CDR2: variants seen among roughly 807,000 people sequenced by gnomAD.
The protein encoded by CDR2 is cerebellar degeneration related protein 2, also known as cerebellar degeneration-related protein 2.
CDR2 carries 34 observed loss-of-function variants against 48.4 expected under a neutral mutation model. The ratio of observed to expected loss-of-function variants is 0.70; its 90% CI spans 0.53 to 0.94. The LOEUF (loss-of-function observed/expected upper bound fraction) is 0.94, where lower values mean the gene tolerates loss of function less well. Among genes scored for constraint, CDR2 ranks in the 40% least tolerant of loss-of-function variants. CDR2 has a pLI of 0.00. For missense variants in CDR2, 498 were observed against 549.5 expected (o/e 0.91, Z 0.94); for synonymous variants, 240 against 219.7 (o/e 1.09, Z -0.82).
Position 22,364,989 on chromosome 16 carries a change from C to T in CDR2, c.105G>A (p.Gly35=). The T allele has an allele frequency of 1.2e-6, 2 of 1,612,732 alleles. No homozygotes were observed. Among genetic ancestry groups the T allele is most frequent in the Non-Finnish European group, 1.7e-6 (2 of 1,178,766 alleles). The change falls in exon 2 of 5, where the codon GGG becomes GGA. Residue 35 remains glycine, a synonymous_variant. Coordinates refer to ENST00000268383, the MANE Select transcript of CDR2 (RefSeq NM_001802.2). The part of the protein sequence containing the change: ...QQDLQLAAEL[G]KTLLDRNTEL... ...CTGTGTTCCGATCCAGTAATGTCTT[C>T]CCAAGCTCAGCAGCAAGTTGAAGAT...
At chr16:22,368,654 A>C (rs552850411) in intron 1 of CDR2, among the ~76,000 whole-genome samples, 10 of 152,214 alleles carry the variant, frequency 6.6e-5, no homozygotes, top group Non-Finnish European at 1.2e-4. Context: ...AGAAACTCTT[A>C]GGTCAACAGG....
Position 22,347,037 on chromosome 16 carries a change from ACTAAAGAT to A in CDR2, c.1285_1292del (p.Ile429LeufsTer6). 2 of 1,614,172 alleles carry A rather than the reference ACTAAAGAT, an allele frequency of 1.2e-6. No individual in the cohort carries two copies. The highest frequency in any genetic ancestry group is 8.5e-7 in the Non-Finnish European group (1 of 1,179,982). ...TTTCCTGCTTAGTTTTCTTGATGCA[ACTAAAGAT>A]CTCCTTAAACAACGCTTTGTATTCT... On this transcript the variant is annotated frameshift_variant, in exon 5 of 5. Transcript: ENST00000268383. LOFTEE classifies it high-confidence loss of function.
chr16:22,353,645 C>T (rs2048956816), intron 2 of CDR2, among the ~76,000 whole-genome samples: 1 of 152,152 alleles, frequency 6.6e-6, no homozygotes, highest in African/African-American at 2.4e-5. Context: ...GCTAACGGGC[C>T]TTTATCACCA....
rs1327419763 is a variant in CDR2, at chr16:22,346,621, T to C, written c.*344A>G. 2 of 244,156 alleles carry C rather than the reference T, an allele frequency of 8.2e-6. No individual in the cohort carries two copies. Among genetic ancestry groups the C allele is most frequent in the Non-Finnish European group, 1.6e-5 (2 of 125,738 alleles). 15.1% of individuals were successfully genotyped at this position (244,156 alleles called of 1,614,324 possible). A position where few individuals can be genotyped will look rare whatever the true frequency, so the allele number is the denominator to read the frequency against. On this transcript the variant is annotated 3_prime_UTR_variant, in exon 5 of 5. Transcript: ENST00000268383. Reference sequence around the variant, plus strand: ...AGCAATAGGAATTGCCTTAGCTTTGTTCTAACTCGACCCTTTTCCCCCATA... The same window carrying C: ...AGCAATAGGAATTGCCTTAGCTTTGCTCTAACTCGACCCTTTTCCCCCATA...
chr16:22,371,537 G>T (rs1175127941), intron 1 of CDR2, among the ~76,000 whole-genome samples: 2 of 152,194 alleles, frequency 1.3e-5, no homozygotes. Context: ...TGGCCCCAGG[G>T]CCCAGGCGAA....
intron 2 of CDR2, among the ~76,000 whole-genome samples, chr16:22,362,954 C>CTTT (rs1278079544): frequency 7.3e-6 from 1 of 137,800 alleles, no homozygotes; most frequent in Admixed American, 7.3e-5. Flanking sequence ...TACAGTAGGT[C>CTTT]TTTTTTTTTT....
intron 1 of CDR2, among the ~76,000 whole-genome samples, chr16:22,365,695 T>C (rs1709305484): frequency 6.6e-6 from 1 of 152,238 alleles, no homozygotes; most frequent in Non-Finnish European, 1.5e-5. Flanking sequence ...CTCTCTATTC[T>C]TAGGTATAAT....
chr16:22,362,618 T>C (rs1447932165), intron 2 of CDR2, among the ~76,000 whole-genome samples: 2 of 152,238 alleles, frequency 1.3e-5, no homozygotes, highest in South Asian at 4.1e-4. Flanking sequence ...CAATTAAGAC[T>C]ATGTCTCTAC....
At chr16:22,360,386 G>A (rs577578159) in intron 2 of CDR2, among the ~76,000 whole-genome samples, 6 of 152,112 alleles carry the variant, frequency 3.9e-5, no homozygotes, top group African/African-American at 1.4e-4. Flanking sequence ...TCACATAAAA[G>A]GAAATTTTTG....
chr16:22,357,216 T>G (rs1477111048), intron 2 of CDR2, among the ~76,000 whole-genome samples: 1 of 152,044 alleles, frequency 6.6e-6, no homozygotes, highest in East Asian at 1.9e-4. Flanking sequence ...ACCAGGCTAA[T>G]TTTTGTATTT....
At position 22,346,870 on chromosome 16, in the gene CDR2, A is replaced by G; in HGVS notation, c.*95T>C. ...GCAAAGCAATGAGGCAAACGTCATG[A>G]GTAACATTAGGCTTCAGAGTCTACA... On this transcript the variant is annotated 3_prime_UTR_variant, in exon 5 of 5. Coordinates refer to ENST00000268383, the MANE Select transcript of CDR2 (RefSeq NM_001802.2). The G allele has an allele frequency of 7.5e-7, 1 of 1,332,854 alleles. No individual in the cohort carries two copies. Among genetic ancestry groups the G allele is most frequent in the Non-Finnish European group, 1.0e-6 (1 of 961,916 alleles). The allele number at this position is 1,332,854 out of a possible 1,614,324, so 82.6% of individuals were successfully genotyped here.
In CDR2 at chr16:22,367,403, A is replaced by G. The variant is rs556120378; in HGVS notation, c.80-2389T>C. Among the ~76,000 whole-genome samples the G allele has an allele frequency of 6.4e-4, 98 of 152,290 alleles. No individual in the cohort carries two copies. In the Middle Eastern group the frequency reaches 0.014, roughly 21 times the overall value. On this transcript the variant is annotated intron_variant, in intron 1 of 4. Transcript: ENST00000268383. Reference sequence around the variant, plus strand: ...TTAGCTGAAGCTTGAAGGATGAAGAACTTGCCATGAATTTGGCATATTCTA... The same window carrying G: ...TTAGCTGAAGCTTGAAGGATGAAGAGCTTGCCATGAATTTGGCATATTCTA...
chr16:22,369,410 A>T (rs1198686163), intron 1 of CDR2, among the ~76,000 whole-genome samples: 1 of 152,202 alleles, frequency 6.6e-6, no homozygotes, highest in East Asian at 1.9e-4. Flanking sequence ...ACTTAAGAGT[A>T]GCCAGGAACC....
intron 2 of CDR2, 139 bp downstream of exon 2, chr16:22,364,763 G>A (rs769552525): frequency 1.3e-5 from 7 of 551,938 alleles, no homozygotes; most frequent in African/African-American, 3.9e-5. Context: ...CTCGGGAGGC[G>A]GTTCTCATTC....
intron 2 of CDR2, among the ~76,000 whole-genome samples, chr16:22,355,145 G>GA (rs1294119013): frequency 2.6e-5 from 4 of 152,164 alleles, no homozygotes; most frequent in East Asian, 1.9e-4. Flanking sequence ...ATTCCTAAGG[G>GA]AAAAAAACTC....
chr16:22,356,936 A>G, intron 2 of CDR2, among the ~76,000 whole-genome samples: 1 of 136,978 alleles, frequency 7.3e-6, no homozygotes, highest in Non-Finnish European at 1.6e-5. Flanking sequence ...ACAAGACTCC[A>G]TCTCAAAAAA....
chr16:22,365,059 T>A, intron 1 of CDR2, 45 bp from the exon 2 acceptor site: 1 of 1,231,398 alleles, frequency 8.1e-7, no homozygotes, highest in Non-Finnish European at 1.2e-6. Context: ...TGATCTCACA[T>A]CAACAATTTA....
rs2048908635 is a variant in CDR2 at position 22,346,906 on chromosome 16, T to C, written c.*59A>G. 6.5e-7 allele frequency: 1 copy of C among 1,538,238 alleles called. No homozygotes were observed. ...GCTTCAGAGTCTACAAACACTTGTC[T>C]GAATGGGAGAGAGAGGCGATAGGCA... On this transcript the variant is annotated 3_prime_UTR_variant, in exon 5 of 5. Transcript: ENST00000268383.
chr16:22,353,861 C>T (rs2048957843), intron 2 of CDR2, among the ~76,000 whole-genome samples: 1 of 152,144 alleles, frequency 6.6e-6, no homozygotes. Context: ...TCTTGTTAAT[C>T]TGTCTTTTGT....
Sources: allele counts gnomAD v4.1 joint callset (sites outside exome capture counted in the v4.1 genomes callset), GRCh38; gene constraint gnomAD v4.1.1; transcripts MANE v1.5; gene names NCBI Gene and HGNC (gene_info 2026-07-23, HGNC 2026-07-21).